The following SDK1 variants were observed in gnomAD, a reference collection of about 807,000 sequenced individuals.
SDK1 encodes the protein sidekick cell adhesion molecule 1.
A neutral mutation model predicts 245.5 loss-of-function variants in SDK1; 157 were observed. The ratio of observed to expected loss-of-function variants is 0.64; its 90% confidence interval spans 0.56 to 0.73. SDK1 has a LOEUF of 0.73. SDK1 is among the 30% of genes least tolerant of loss of function. The pLI is 0.00. For synonymous variants in SDK1, 1,647 were observed against 1,278.5 expected (o/e 1.29, Z -6.15); for missense variants, 3,583 against 3,002.3 (o/e 1.19, Z -4.52).
chr7:3,580,144 G>A, intron 1 of SDK1, among the ~76,000 whole-genome samples: 1 of 152,166 alleles, frequency 6.6e-6, no homozygotes, highest in East Asian at 1.9e-4. Context: ...AATCAGAGAT[G>A]ACACAAACAA....
At chr7:4,198,825 T>C (rs1783727533) in intron 35 of SDK1, among the ~76,000 whole-genome samples, 1 of 151,340 alleles carries the variant, frequency 6.6e-6, no homozygotes, top group Non-Finnish European at 1.5e-5. Flanking sequence ...TTTTTTTTTT[T>C]TCCTTTGAGA....
intron 1 of SDK1, among the ~76,000 whole-genome samples, chr7:3,308,456 A>G (rs1779472046): frequency 6.6e-6 from 1 of 152,158 alleles, no homozygotes; most frequent in Non-Finnish European, 1.5e-5. Flanking sequence ...GTAATTTTTC[A>G]CTTTAACAGG....
rs80272989 is a variant in SDK1 at position 3,632,626 on chromosome 7, A to C, written c.459-6378A>C. ...GAATTTTGAAATAAATAATACACAGATTAAATAACTTTTACAAATATTGTG... is the reference window on the plus strand; with the variant it reads ...GAATTTTGAAATAAATAATACACAGCTTAAATAACTTTTACAAATATTGTG... On this transcript the variant is annotated intron_variant, in intron 2 of 44. Coordinates refer to ENST00000404826, the MANE Select transcript of SDK1 (RefSeq NM_152744.4). Among the ~76,000 whole-genome samples, 1,270 of 152,340 alleles carry C rather than the reference A, an allele frequency of 8.3e-3. 20 individuals are homozygous for C. The highest frequency in any genetic ancestry group is 0.028 in the African/African-American group (1,157 of 41,584).
intron 4 of SDK1, among the ~76,000 whole-genome samples, chr7:3,680,895 T>A (rs564246964): frequency 6.6e-6 from 1 of 152,232 alleles, no homozygotes; most frequent in South Asian, 2.1e-4. Context: ...CAGGCTGGAG[T>A]TCAGTGATGC....
chr7:3,780,864 C>T (rs140982658), intron 4 of SDK1, among the ~76,000 whole-genome samples: 9 of 152,264 alleles, frequency 5.9e-5, no homozygotes, highest in African/African-American at 2.2e-4. Context: ...AGCCAGGAGA[C>T]TCCCAGCTCC....
Position 3,986,346 on chromosome 7 carries a change from C to G in SDK1, c.1995-840C>G, listed in dbSNP as rs965066526. ...ACACTTCCTCCAAATCCCCATAACT[C>G]CAGCAGAAGACATAATGACAATGTA... On this transcript the variant is annotated intron_variant, in intron 13 of 44. Coordinates refer to ENST00000404826, the MANE Select transcript of SDK1 (RefSeq NM_152744.4). Among the ~76,000 whole-genome samples the G allele has an allele frequency of 3.9e-5, 6 of 152,276 alleles. 1 individual carries two copies.
intron 17 of SDK1, among the ~76,000 whole-genome samples, chr7:4,034,564 C>T (rs1342299124): frequency 1.3e-5 from 2 of 152,146 alleles, no homozygotes; most frequent in Non-Finnish European, 2.9e-5. Context: ...AAATGTTTCT[C>T]ATTCTTTTTC....
chr7:3,579,689 CAAGGG>C (rs142848640), intron 1 of SDK1, among the ~76,000 whole-genome samples: 5,415 of 152,176 alleles, frequency 0.036, 134 homozygotes, highest in South Asian at 0.082. Context: ...GTTGTGGAAA[CAAGGG>C]AACACTTACA....
At chr7:4,225,236 T>A (rs968171960) in intron 40 of SDK1, among the ~76,000 whole-genome samples, 2 of 151,944 alleles carry the variant, frequency 1.3e-5, no homozygotes, top group African/African-American at 4.8e-5. Context: ...GGACACTGGG[T>A]AAAGGATACA....
At chr7:3,965,804 G>C (rs116487867) in intron 9 of SDK1, among the ~76,000 whole-genome samples, 1 of 152,114 alleles carries the variant, frequency 6.6e-6, no homozygotes, top group Non-Finnish European at 1.5e-5. Context: ...GCCGGGTGGG[G>C]CTTCTCTAGG....
chr7:4,123,555 C>G (rs369652405), intron 25 of SDK1, among the ~76,000 whole-genome samples: 4 of 152,132 alleles, frequency 2.6e-5, no homozygotes, highest in Non-Finnish European at 4.4e-5. Context: ...TGTGACAAGC[C>G]CCCTTCCTCT....
chr7:4,036,726 G>A (rs1476798914), intron 17 of SDK1, among the ~76,000 whole-genome samples: 1 of 152,110 alleles, frequency 6.6e-6, no homozygotes, highest in African/African-American at 2.4e-5. Flanking sequence ...ACCTCTGAGA[G>A]CTAGCTAGTC....
At chr7:4,122,542 T>C (rs1048161775) in intron 25 of SDK1, among the ~76,000 whole-genome samples, 2 of 152,180 alleles carry the variant, frequency 1.3e-5, no homozygotes, top group African/African-American at 2.4e-5. Flanking sequence ...CGGAGCCACA[T>C]TTCAATGAAG....
intron 1 of SDK1, among the ~76,000 whole-genome samples, chr7:3,369,997 T>A (rs1781183496): frequency 6.6e-6 from 1 of 152,222 alleles, no homozygotes; most frequent in Non-Finnish European, 1.5e-5. Context: ...GAAAAGGACT[T>A]CTAAAATCAA....
intron 5 of SDK1, among the ~76,000 whole-genome samples, chr7:3,872,817 A>C (rs1385033883): frequency 2.6e-5 from 4 of 152,078 alleles, no homozygotes; most frequent in Non-Finnish European, 4.4e-5. Context: ...ACCTCCACAT[A>C]ATGCTATGCT....
intron 19 of SDK1, among the ~76,000 whole-genome samples, chr7:4,066,438 C>CCCAAAAG (rs1392791289): frequency 2.6e-5 from 4 of 152,190 alleles, no homozygotes; most frequent in Admixed American, 6.5e-5. Flanking sequence ...CCTCATCCTT[C>CCCAAAAG]CCTCCATTTG....
chr7:3,307,788 G>C, intron 1 of SDK1, among the ~76,000 whole-genome samples: 1 of 152,194 alleles, frequency 6.6e-6, no homozygotes, highest in East Asian at 1.9e-4. Flanking sequence ...ATATGAGGAA[G>C]TCTATTAGTC....
At chr7:4,197,403 G>A (rs546391659) in intron 35 of SDK1, among the ~76,000 whole-genome samples, 78 of 152,292 alleles carry the variant, frequency 5.1e-4, no homozygotes, top group African/African-American at 1.6e-3. Context: ...TGGGAGGATC[G>A]CTTGAGCCCA....
intron 1 of SDK1, among the ~76,000 whole-genome samples, chr7:3,518,487 G>GAA (rs5881988): frequency 2.4e-4 from 35 of 146,022 alleles, no homozygotes; most frequent in South Asian, 8.6e-4. Context: ...CATCTGAACA[G>GAA]AAAAAAAAAA....
Sources: allele counts gnomAD v4.1 joint callset (sites outside exome capture counted in the v4.1 genomes callset), GRCh38; gene constraint gnomAD v4.1.1; transcripts MANE v1.5; gene names NCBI Gene and HGNC (gene_info 2026-07-23, HGNC 2026-07-21).